ZFPM2: variants seen among roughly 807,000 people sequenced by gnomAD.
ZFPM2 encodes the protein zinc finger protein, FOG family member 2.
Under a neutral mutation model 98.6 loss-of-function variants are expected in ZFPM2, and 20 were observed. That is an observed-to-expected ratio of 0.20 (90% confidence interval 0.14 to 0.29). The LOEUF is 0.29. ZFPM2 is among the 10% of genes least tolerant of loss of function. The pLI is 1.00. For synonymous variants in ZFPM2, 518 were observed against 502.7 expected, an observed-to-expected ratio of 1.03 and a Z score of -0.41; for missense variants, 1,310 against 1,388.6, an observed-to-expected ratio of 0.94 and a Z score of 0.90.
chr8:105,755,374 A>T (rs2131061487), intron 5 of ZFPM2, among the ~76,000 whole-genome samples: 1 of 152,224 alleles, frequency 6.6e-6, no homozygotes, highest in African/African-American at 2.4e-5. Flanking sequence ...TCTATGGAGA[A>T]TATATTTTAA....
intron 2 of ZFPM2, among the ~76,000 whole-genome samples, chr8:105,442,208 G>C (rs1474774932): frequency 1.3e-5 from 2 of 151,782 alleles, no homozygotes; most frequent in Non-Finnish European, 2.9e-5. Flanking sequence ...GCTGGGTGTG[G>C]TGGCAGGCGC....
chr8:105,520,399 C>T (rs1186750134), intron 3 of ZFPM2, among the ~76,000 whole-genome samples: 3 of 151,994 alleles, frequency 2.0e-5, no homozygotes, highest in Non-Finnish European at 2.9e-5. Context: ...CTAATATCAA[C>T]GGGATGTGAA....
chr8:105,510,878 A>G (rs1813804292), intron 3 of ZFPM2, among the ~76,000 whole-genome samples: 1 of 152,236 alleles, frequency 6.6e-6, no homozygotes, highest in South Asian at 2.1e-4. Flanking sequence ...CCAAAGAGGA[A>G]GATTGAGAAA....
At chr8:105,483,321 G>A (rs1813161504) in intron 3 of ZFPM2, among the ~76,000 whole-genome samples, 1 of 152,044 alleles carries the variant, frequency 6.6e-6, no homozygotes, top group Admixed American at 6.6e-5. Context: ...TGGGTGTGGT[G>A]GCTTATGTCT....
Position 105,669,269 on chromosome 8 carries a change from T to C in ZFPM2, c.532+34912T>C, listed in dbSNP as rs117072515. Reference sequence around the variant, plus strand: ...ATACGTAATGTCTTGTGATTTATTCTGGTTATATTTCCTCTAAAATTCTCA... The same window carrying C: ...ATACGTAATGTCTTGTGATTTATTCCGGTTATATTTCCTCTAAAATTCTCA... On this transcript the variant is annotated intron_variant, in intron 5 of 7. Transcript: ENST00000407775. 6.2e-3 allele frequency among the ~76,000 whole-genome samples: 939 copies of C among 152,226 alleles called. 4 individuals are homozygous for C. Among genetic ancestry groups the C allele is most frequent in the Non-Finnish European group, 9.6e-3 (655 of 67,990 alleles).
chr8:105,331,463 G>A (rs553570675), intron 1 of ZFPM2, among the ~76,000 whole-genome samples: 3 of 151,752 alleles, frequency 2.0e-5, no homozygotes, highest in Non-Finnish European at 3.0e-5. Context: ...ACTAAGGTAC[G>A]TGTTAGGGGA....
chr8:105,802,242 G>A lies in ZFPM2; in HGVS notation c.2160G>A (p.Arg720=), dbSNP rs752762729. The A allele has an allele frequency of 1.7e-5, 27 of 1,613,788 alleles. No homozygotes were observed. Among genetic ancestry groups the A allele is most frequent in the South Asian group, 3.3e-5 (3 of 91,074 alleles). The change falls in exon 8 of 8, where the codon AGG becomes AGA. Residue 720 remains arginine, a synonymous_variant. Transcript: ENST00000407775. The part of the protein sequence containing the change: ...CATRHDPPLK[R]SASNKVPAMQ... ...CACGCCACGACCCTCCACTGAAGAG[G>A]TCTGCTTCCAACAAAGTGCCTGCCA...
At chr8:105,682,435 A>T (rs1463527617) in intron 5 of ZFPM2, among the ~76,000 whole-genome samples, 2 of 152,182 alleles carry the variant, frequency 1.3e-5, no homozygotes, top group Non-Finnish European at 2.9e-5. Context: ...GAACTATGAG[A>T]TTTTATAGAA....
At chr8:105,320,387 G>A (rs566905350) in intron 1 of ZFPM2, among the ~76,000 whole-genome samples, 35 of 151,876 alleles carry the variant, frequency 2.3e-4, no homozygotes, top group African/African-American at 7.7e-4. Context: ...TTGGGTTAAA[G>A]CAAGTACTGG....
At chr8:105,659,108 A>G (rs1817342267) in intron 5 of ZFPM2, among the ~76,000 whole-genome samples, 1 of 152,232 alleles carries the variant, frequency 6.6e-6, no homozygotes, top group African/African-American at 2.4e-5. Flanking sequence ...ACAATATCAG[A>G]TAGCTTTGGT....
intron 5 of ZFPM2, among the ~76,000 whole-genome samples, chr8:105,658,732 G>T (rs920400966): frequency 6.6e-6 from 1 of 151,838 alleles, no homozygotes; most frequent in Admixed American, 6.6e-5. Flanking sequence ...TACTGGTCTT[G>T]GTGTGTGAAT....
chr8:105,663,020 G>C, intron 5 of ZFPM2: 1 of 152,172 alleles, frequency 6.6e-6, no homozygotes. Flanking sequence ...CTAATGCATT[G>C]TTGCCTGTCA....
chr8:105,757,496 G>C (rs1383302308), intron 5 of ZFPM2, among the ~76,000 whole-genome samples: 1 of 152,066 alleles, frequency 6.6e-6, no homozygotes, highest in Non-Finnish European at 1.5e-5. Flanking sequence ...TTAAAAATTT[G>C]CTTCCACATC....
intron 4 of ZFPM2, among the ~76,000 whole-genome samples, chr8:105,596,738 G>GC (rs1815978382): frequency 1.0e-5 from 1 of 99,912 alleles, no homozygotes; most frequent in Admixed American, 1.1e-4. Flanking sequence ...GCCTTTGTCT[G>GC]CTTTTTTTTT....
chr8:105,725,815 C>T (rs1201758342), intron 5 of ZFPM2, among the ~76,000 whole-genome samples: 1 of 151,676 alleles, frequency 6.6e-6, no homozygotes, highest in African/African-American at 2.4e-5. Flanking sequence ...CTTGTGTCAG[C>T]TCTTACCACA....
intron 1 of ZFPM2, among the ~76,000 whole-genome samples, chr8:105,375,554 A>G (rs1465730116): frequency 6.6e-6 from 1 of 152,140 alleles, no homozygotes; most frequent in Non-Finnish European, 1.5e-5. Flanking sequence ...AACTGCTGGT[A>G]ACTCTGGCAG....
chr8:105,803,307 T>A lies in ZFPM2; in HGVS notation c.3225T>A (p.Ser1075=). Residue 1075 remains serine (S), a synonymous_variant, in exon 8 of 8, where the codon TCT becomes TCA. Coordinates refer to ENST00000407775, the MANE Select transcript of ZFPM2 (RefSeq NM_012082.4). The part of the protein sequence containing the change: ...QNPQHEDDHK[S]PSWISENPLA... ...CTCAGCACGAAGACGACCACAAATC[T>A]CCCTCGTGGATCTCTGAGAACCCAT... 6.3e-7 allele frequency: 1 copy of A among 1,594,932 alleles called. No homozygotes were observed.
chr8:105,524,087 TTAAG>T (rs1814119490), intron 3 of ZFPM2, among the ~76,000 whole-genome samples: 1 of 152,176 alleles, frequency 6.6e-6, no homozygotes, highest in Non-Finnish European at 1.5e-5. Context: ...AACACATTTG[TTAAG>T]TATCAACTAT....
chr8:105,483,956 G>A (rs539411097), intron 3 of ZFPM2, among the ~76,000 whole-genome samples: 1 of 151,634 alleles, frequency 6.6e-6, no homozygotes, highest in African/African-American at 2.4e-5. Flanking sequence ...GGATGGTCTC[G>A]ATCTCCTGAC....
Sources: allele counts gnomAD v4.1 joint callset (sites outside exome capture counted in the v4.1 genomes callset), GRCh38; gene constraint gnomAD v4.1.1; transcripts MANE v1.5; gene names NCBI Gene and HGNC (gene_info 2026-07-23, HGNC 2026-07-21).